The following MR1 variants were observed in gnomAD, a reference collection of about 807,000 sequenced individuals.
MR1 encodes the protein major histocompatibility complex class I-related protein 1.
A neutral mutation model predicts 37.8 loss-of-function variants in MR1; 44 were observed. The ratio of observed to expected loss-of-function variants is 1.16; its 90% confidence interval spans 0.91 to 1.50. The LOEUF is 1.50. MR1 is among the 40% of genes most tolerant of loss of function. The pLI is 0.00. For synonymous variants in MR1, 153 were observed against 155.8 expected (o/e 0.98, Z 0.13); for missense variants, 386 against 419.1 (o/e 0.92, Z 0.69).
chr1:181,038,946 G>A (rs539736206), intron 1 of MR1, among the ~76,000 whole-genome samples: 1 of 152,314 alleles, frequency 6.6e-6, no homozygotes, highest in East Asian at 1.9e-4. Context: ...TGGGATTACA[G>A]GCATGCGCCA....
chr1:181,052,834 A>C (rs1229045074), intron 4 of MR1, among the ~76,000 whole-genome samples: 1 of 152,216 alleles, frequency 6.6e-6, no homozygotes, highest in Non-Finnish European at 1.5e-5. Flanking sequence ...TGGGAGGCTG[A>C]GGCAGGTGGA....
At chr1:181,045,289 G>T (rs1213936563) in intron 1 of MR1, among the ~76,000 whole-genome samples, 4 of 152,162 alleles carry the variant, frequency 2.6e-5, no homozygotes, top group African/African-American at 7.2e-5. Flanking sequence ...GCAGACACCG[G>T]CAGGCAGAGT....
chr1:181,044,240 GGCGT>G, intron 1 of MR1, among the ~76,000 whole-genome samples: 1 of 152,298 alleles, frequency 6.6e-6, no homozygotes, highest in East Asian at 1.9e-4. Flanking sequence ...TGGGATTACA[GGCGT>G]GAGCCACTGC....
At chr1:181,044,916 T>C (rs1347575153) in intron 1 of MR1, among the ~76,000 whole-genome samples, 10 of 152,140 alleles carry the variant, frequency 6.6e-5, no homozygotes, top group Admixed American at 6.5e-4. Context: ...AGTCTCAGGC[T>C]GAGGGCCGGG....
intron 1 of MR1, among the ~76,000 whole-genome samples, chr1:181,045,850 G>C (rs1657825317): frequency 6.6e-6 from 1 of 152,244 alleles, no homozygotes; most frequent in African/African-American, 2.4e-5. Flanking sequence ...GCGCGAGCGG[G>C]AACCCGGGCT....
intron 1 of MR1, among the ~76,000 whole-genome samples, chr1:181,038,841 T>A (rs1325949979): frequency 6.6e-6 from 1 of 152,014 alleles, no homozygotes; most frequent in Non-Finnish European, 1.5e-5. Context: ...TTTGCTCTTA[T>A]TGCCCAGGCT....
At chr1:181,054,289 G>T (rs988658303) in intron 5 of MR1, among the ~76,000 whole-genome samples, 8 of 152,154 alleles carry the variant, frequency 5.3e-5, no homozygotes, top group Non-Finnish European at 1.0e-4. Flanking sequence ...GCACTGTACT[G>T]GTTGCTGGGA....
chr1:181,041,437 C>T (rs577647896), intron 1 of MR1, among the ~76,000 whole-genome samples: 13 of 152,366 alleles, frequency 8.5e-5, no homozygotes, highest in Non-Finnish European at 1.6e-4. Context: ...ACCAACCCAG[C>T]TTAGCTCAGC....
Position 181,057,340 on chromosome 1 carries a change from A to C in MR1, c.*2075A>C, listed in dbSNP as rs1348629828. ...CCGTGCCACTTTTAAGCAGTGTTGC[A>C]CTGTGAAGAGAATGTAGGCAAGTTT... On this transcript the variant is annotated 3_prime_UTR_variant, in exon 6 of 6. Transcript: ENST00000367580. 1 of 152,218 alleles carries C rather than the reference A, an allele frequency of 6.6e-6. No individual in the cohort carries two copies. The highest frequency in any genetic ancestry group is 2.4e-5 in the African/African-American group (1 of 41,458). 9.4% of individuals were successfully genotyped at this position (152,218 alleles called of 1,614,324 possible). A position where few individuals can be genotyped will look rare whatever the true frequency, so the allele number is the denominator to read the frequency against.
intron 1 of MR1, 28 bp downstream of exon 1, chr1:181,034,102 T>C (rs776364053): frequency 1.3e-5 from 21 of 1,601,596 alleles, no homozygotes; most frequent in Non-Finnish European, 1.8e-5. Flanking sequence ...TCTTCTCTCC[T>C]AACTCCAAAG....
In MR1 at chr1:181,060,936, C is replaced by G. The variant is rs1658870915; in HGVS notation, c.*5671C>G. 1 of 152,216 alleles carries G rather than the reference C, an allele frequency of 6.6e-6. No individual in the cohort carries two copies. Among genetic ancestry groups the G allele is most frequent in the Admixed American group, 6.5e-5 (1 of 15,276 alleles). The allele number at this position is 152,216 out of a possible 1,614,324, so 9.4% of individuals were successfully genotyped here. A position where few individuals can be genotyped will look rare whatever the true frequency, so the allele number is the denominator to read the frequency against. ...TTGGGGTCCCCTGGATATAAGATTT[C>G]TGAAAACACTCAGACTGTGGAGACC... On this transcript the variant is annotated 3_prime_UTR_variant, in exon 6 of 6. Transcript: ENST00000367580.
chr1:181,049,786 G>A (rs966337730), intron 2 of MR1: 10 of 572,316 alleles, frequency 1.7e-5, no homozygotes, highest in African/African-American at 3.7e-5. Flanking sequence ...CCCCAAGGCG[G>A]GAATTAGCAC....
chr1:181,045,047 G>A (rs570271728), intron 1 of MR1, among the ~76,000 whole-genome samples: 12 of 152,198 alleles, frequency 7.9e-5, no homozygotes, highest in South Asian at 6.2e-4. Flanking sequence ...ATCTCTCAAG[G>A]TGGGGGGATA....
At chr1:181,050,439 TC>T (rs1040089929) in intron 3 of MR1, 153 bp downstream of exon 3, 2 of 942,346 alleles carry the variant, frequency 2.1e-6, no homozygotes, top group African/African-American at 3.3e-5. Context: ...ACGAAAACTT[TC>T]CCTGGTTACT....
chr1:181,050,977 T>C (rs180701192), intron 3 of MR1: 1 of 149,378 alleles, frequency 6.7e-6, no homozygotes, highest in East Asian at 1.9e-4. Flanking sequence ...AAGACCCTAT[T>C]TAAAAAAAAA....
At chr1:181,037,111 A>T (rs762875587) in intron 1 of MR1, 2 of 152,222 alleles carry the variant, frequency 1.3e-5, no homozygotes, top group Non-Finnish European at 2.9e-5. Context: ...GACATAACCA[A>T]GGTCAGTCTC....
At chr1:181,034,589 T>C (rs114931010) in intron 1 of MR1, among the ~76,000 whole-genome samples, 1,642 of 152,286 alleles carry the variant, frequency 0.011, 26 homozygotes, top group African/African-American at 0.038. Context: ...AGGGAGAGTT[T>C]TTCATTATTC....
intron 1 of MR1, among the ~76,000 whole-genome samples, chr1:181,046,489 T>C (rs1657876705): frequency 6.6e-6 from 1 of 151,980 alleles, no homozygotes; most frequent in Admixed American, 6.6e-5. Context: ...GTGTGGACAC[T>C]GTATCTAGCT....
chr1:181,056,403 T>TAATAATAAC lies in MR1; in HGVS notation c.*1140_*1141insTAATAACAA, dbSNP rs1366929341. The TAATAATAAC allele has an allele frequency of 1.2e-4, 17 of 145,758 alleles. No individual in the cohort carries two copies. Among genetic ancestry groups the TAATAATAAC allele is most frequent in the Admixed American group, 1.4e-4 (2 of 14,704 alleles). The allele number at this position is 145,758 out of a possible 1,614,324, so 9.0% of individuals were successfully genotyped here. ...ATAATAATAATAATAATAATAATAA[T>TAATAATAAC]AACAGTATATTTGGTGTCAGGAGAG... is the stretch of plus-strand genomic sequence containing the variant. On this transcript the variant is annotated 3_prime_UTR_variant, in exon 6 of 6. Transcript: ENST00000367580.
Sources: gnomAD v4.1 joint callset for allele counts (sites outside exome capture counted in the v4.1 genomes callset) on GRCh38, gnomAD v4.1.1 for gene constraint, MANE v1.5 for transcripts, NCBI Gene and HGNC (gene_info 2026-07-23, HGNC 2026-07-21) for gene names.